The following MCTP2 variants were observed in gnomAD, a reference collection of about 807,000 sequenced individuals.
MCTP2 encodes multiple C2 and transmembrane domain containing 2.
MCTP2 carries 132 observed loss-of-function variants against 111.6 expected under a neutral mutation model. The ratio of observed to expected loss-of-function variants is 1.18; its 90% CI spans 1.03 to 1.37. The LOEUF is 1.37. Among genes scored for constraint, MCTP2 ranks in the 40% most tolerant of loss-of-function variants. The probability of loss-of-function intolerance (pLI) is 0.00; values close to 1 mark genes in which losing one functional copy is unlikely to be tolerated. For missense variants in MCTP2, 1,183 were observed against 1,067.9 expected (o/e 1.11, Z -1.50); for synonymous variants, 395 against 387.7 (o/e 1.02, Z -0.22).
intron 2 of MCTP2, among the ~76,000 whole-genome samples, chr15:94,310,295 A>G (rs1427112072): frequency 3.3e-5 from 5 of 152,180 alleles, no homozygotes; most frequent in African/African-American, 7.2e-5. Flanking sequence ...ATTACTTGCC[A>G]TGGTTCTAGA....
At chr15:94,348,740 C>A (rs568971786) in intron 8 of MCTP2, among the ~76,000 whole-genome samples, 2 of 151,630 alleles carry the variant, frequency 1.3e-5, no homozygotes, top group East Asian at 4.0e-4. Flanking sequence ...GAAATATGGT[C>A]CATTTGAGGA....
chr15:94,358,082 A>G (rs921563988), intron 9 of MCTP2, among the ~76,000 whole-genome samples: 5 of 152,272 alleles, frequency 3.3e-5, no homozygotes, highest in Non-Finnish European at 7.3e-5. Flanking sequence ...ATAGTTAGTA[A>G]GCTAGCATTG....
chr15:94,402,489 C>T lies in MCTP2; in HGVS notation c.2085+470C>T, dbSNP rs1227440061. Reference sequence around the variant, plus strand: ...TACACATTGCAATTTCATTCAGCACCGCAAAGAGGAACCACCCCTGTCTAT... The same window carrying T: ...TACACATTGCAATTTCATTCAGCACTGCAAAGAGGAACCACCCCTGTCTAT... On this transcript the variant is annotated intron_variant, in intron 17 of 22. Transcript: ENST00000357742. 2.6e-6 allele frequency: 4 copies of T among 1,551,686 alleles called. 1 individual carries two copies. The South Asian group carries it at 3.6e-5, about 14-fold the overall frequency.
chr15:94,354,679 G>A (rs1345934542), intron 8 of MCTP2, among the ~76,000 whole-genome samples: 3 of 152,152 alleles, frequency 2.0e-5, no homozygotes, highest in African/African-American at 7.2e-5. Context: ...TTGGGAATAT[G>A]TGTTTTCTTG....
chr15:94,313,462 G>A (rs1457401345), intron 2 of MCTP2, among the ~76,000 whole-genome samples: 1 of 152,120 alleles, frequency 6.6e-6, no homozygotes, highest in Admixed American at 6.5e-5. Context: ...CAGCACTTTG[G>A]GAGGGTGAGG....
At chr15:94,279,640 C>T (rs1050798067) in intron 1 of MCTP2, among the ~76,000 whole-genome samples, 1 of 152,054 alleles carries the variant, frequency 6.6e-6, no homozygotes, top group Non-Finnish European at 1.5e-5. Flanking sequence ...ACTAGGACTT[C>T]CAGTACTATG....
At chr15:94,265,664 TAATA>T (rs2073477574) in intron 1 of MCTP2, among the ~76,000 whole-genome samples, 1 of 152,200 alleles carries the variant, frequency 6.6e-6, no homozygotes, top group African/African-American at 2.4e-5. Context: ...TCAATAACTT[TAATA>T]AATATTATTC....
chr15:94,426,153 AG>A (rs2082881310), intron 17 of MCTP2, among the ~76,000 whole-genome samples: 2 of 151,496 alleles, frequency 1.3e-5, no homozygotes, highest in Non-Finnish European at 3.0e-5. Context: ...AGAGAGAGAG[AG>A]AGAGAGAGAG....
Position 94,340,877 on chromosome 15 carries a change from G to T in MCTP2, c.922G>T (p.Val308Leu). Residue 308 changes from valine (V) to leucine (L), a missense_variant, in exon 7 of 23, where the codon GTG becomes TTG. Transcript: ENST00000357742. ...NSLEDDMGVI[V>L]LNLNLVVKQG... is the part of the protein sequence containing the mutation. Reference sequence around the variant, plus strand: ...TTTAGAAGATGACATGGGAGTGATCGTGTTAAATTTGAACCTAGTGGTAAA... The same window carrying T: ...TTTAGAAGATGACATGGGAGTGATCTTGTTAAATTTGAACCTAGTGGTAAA... 6.2e-7 allele frequency: 1 copy of T among 1,613,102 alleles called. No homozygotes were observed. The highest frequency in any genetic ancestry group is 8.5e-7 in the Non-Finnish European group (1 of 1,179,216).
At chr15:94,358,381 C>G in intron 9 of MCTP2, 101 bp from the exon 10 acceptor site, 1 of 1,109,474 alleles carries the variant, frequency 9.0e-7, no homozygotes. Context: ...TGAGGTCCAT[C>G]ATCTTGACCC....
intron 1 of MCTP2, among the ~76,000 whole-genome samples, chr15:94,264,775 T>A (rs2073415293): frequency 6.6e-6 from 1 of 152,130 alleles, no homozygotes; most frequent in Non-Finnish European, 1.5e-5. Flanking sequence ...AATTTGATTA[T>A]GCACACCAAC....
chr15:94,370,425 A>G (rs1245390454), intron 12 of MCTP2, among the ~76,000 whole-genome samples: 2 of 152,340 alleles, frequency 1.3e-5, no homozygotes, highest in East Asian at 1.9e-4. Flanking sequence ...TTGAGCTTCA[A>G]AAACATTTGT....
In MCTP2 at chr15:94,480,645, A is replaced by C. The variant is rs1177345452; in HGVS notation, c.*1611A>C. On this transcript the variant is annotated 3_prime_UTR_variant, in exon 23 of 23. Coordinates refer to ENST00000357742, the MANE Select transcript of MCTP2 (RefSeq NM_001385001.1). The stretch of plus-strand genomic sequence containing the variant: ...ACAATGCCTCATTGTCTTGCTTCTA[A>C]CTATCATCTAGTTTATCATAGTCTG... The C allele has an allele frequency of 1.3e-5, 2 of 152,332 alleles. No individual in the cohort carries two copies. The highest frequency in any genetic ancestry group is 3.9e-4 in the East Asian group (2 of 5,194). 9.4% of individuals were successfully genotyped at this position (152,332 alleles called of 1,614,324 possible).
chr15:94,452,769 A>G (rs1439258359), intron 19 of MCTP2, among the ~76,000 whole-genome samples: 3 of 152,228 alleles, frequency 2.0e-5, no homozygotes, highest in African/African-American at 7.2e-5. Flanking sequence ...TTCTTGTAGC[A>G]TAGAAGCTAC....
intron 1 of MCTP2, among the ~76,000 whole-genome samples, chr15:94,251,521 G>A (rs1488843057): frequency 6.6e-6 from 1 of 151,634 alleles, no homozygotes; most frequent in Non-Finnish European, 1.5e-5. Context: ...ACCACGCCTG[G>A]CTAATTTTTG....
At chr15:94,455,231 T>TA (rs1422097489) in intron 19 of MCTP2, among the ~76,000 whole-genome samples, 1 of 152,226 alleles carries the variant, frequency 6.6e-6, no homozygotes, top group Non-Finnish European at 1.5e-5. Context: ...TCAGCATATA[T>TA]TTTGTTAAAT....
At chr15:94,245,312 G>C (rs1005608763) in intron 1 of MCTP2, among the ~76,000 whole-genome samples, 2 of 138,534 alleles carry the variant, frequency 1.4e-5, no homozygotes, top group Admixed American at 1.5e-4. Context: ...ATACATATAT[G>C]TACATATATT....
intron 10 of MCTP2, 95 bp downstream of exon 10, chr15:94,358,707 C>A: frequency 7.0e-7 from 1 of 1,421,952 alleles, no homozygotes; most frequent in South Asian, 1.4e-5. Flanking sequence ...AGGGCACTAC[C>A]TTGCATCCCT....
chr15:94,299,153 C>T (rs920220760), intron 2 of MCTP2, among the ~76,000 whole-genome samples: 1 of 150,246 alleles, frequency 6.7e-6, no homozygotes, highest in Non-Finnish European at 1.5e-5. Context: ...ATTGATTGCA[C>T]CCAGTGTTCC....
Sources: allele counts gnomAD v4.1 joint callset (sites outside exome capture counted in the v4.1 genomes callset), GRCh38; gene constraint gnomAD v4.1.1; transcripts MANE v1.5; gene names NCBI Gene and HGNC (gene_info 2026-07-23, HGNC 2026-07-21).